The following DHRS3 variants were observed in gnomAD, a reference collection of about 807,000 sequenced individuals.
DHRS3 encodes short-chain dehydrogenase/reductase 3.
DHRS3 carries 14 observed loss-of-function variants against 27.2 expected under a neutral mutation model. That is an observed-to-expected ratio of 0.52 (90% confidence interval 0.34 to 0.81). The LOEUF is 0.81. DHRS3 is among the 30% of genes least tolerant of loss of function. DHRS3 has a pLI of 0.01. For missense variants in DHRS3, 322 were observed against 406.2 expected (o/e 0.79, Z 1.78); for synonymous variants, 165 against 175.9 (o/e 0.94, Z 0.49).
Position 12,592,251 on chromosome 1 carries a change from T to C in DHRS3, c.196-11585A>G, listed in dbSNP as rs1299613857. On this transcript the variant is annotated intron_variant, in intron 1 of 5. Coordinates refer to ENST00000616661, the MANE Select transcript of DHRS3 (RefSeq NM_004753.7). The surrounding 1 kb of genome is among the most constrained non-coding windows in gnomAD (Gnocchi z 4.2). ...CCCGGATGTGGTACAGTCGGCTGATTAGTGTCCCCTGAGAAGCTGAGTCCA... is the reference window on the plus strand; with the variant it reads ...CCCGGATGTGGTACAGTCGGCTGATCAGTGTCCCCTGAGAAGCTGAGTCCA... 1.3e-5 allele frequency among the ~76,000 whole-genome samples: 2 copies of C among 152,182 alleles called. No homozygotes were observed. Among genetic ancestry groups the C allele is most frequent in the South Asian group, 4.1e-4 (2 of 4,830 alleles).
rs72871177 is a variant in DHRS3, at chr1:12,571,352, C to T, written c.824+1376G>A. Among the ~76,000 whole-genome samples the T allele has an allele frequency of 5.0e-3, 764 of 152,238 alleles. 12 individuals are homozygous for T. Among genetic ancestry groups the T allele is most frequent in the African/African-American group, 0.017 (708 of 41,538 alleles). On this transcript the variant is annotated intron_variant, in intron 5 of 5. Transcript: ENST00000616661. ...CCTGCTACATCCCACCCGACTGGTA[C>T]TAAGACGCTTCTGTGAATTCTGAGC...
intron 1 of DHRS3, among the ~76,000 whole-genome samples, chr1:12,581,269 T>G (rs970939814): frequency 6.6e-6 from 1 of 152,240 alleles, no homozygotes; most frequent in African/African-American, 2.4e-5. Context: ...GCCAGTGCAG[T>G]TCATTTCCTG....
intron 1 of DHRS3, chr1:12,600,378 C>T (rs2100706799): frequency 1.0e-5 from 10 of 985,438 alleles, no homozygotes; most frequent in Non-Finnish European, 1.2e-5. Context: ...CTTGCCATCC[C>T]TTAAGGACCC....
chr1:12,580,875 C>T (rs1014659534), intron 1 of DHRS3, among the ~76,000 whole-genome samples: 14 of 151,950 alleles, frequency 9.2e-5, no homozygotes, highest in South Asian at 2.1e-4. Flanking sequence ...CAGGCTAGAA[C>T]GCAGCAGTGC....
In DHRS3 at chr1:12,590,293, C is replaced by A. The variant is rs1313155671; in HGVS notation, c.196-9627G>T. Among the ~76,000 whole-genome samples the A allele has an allele frequency of 2.0e-5, 3 of 152,184 alleles. No homozygotes were observed. In the East Asian group the frequency reaches 5.8e-4, roughly 29 times the overall value. Reference sequence around the variant, plus strand: ...GCCCCAGTCACCCAGAGTGGTGACACTTTAGGTTTCTAGAATAGTCATTTC... The same window carrying A: ...GCCCCAGTCACCCAGAGTGGTGACAATTTAGGTTTCTAGAATAGTCATTTC... On this transcript the variant is annotated intron_variant, in intron 1 of 5. Transcript: ENST00000616661.
Position 12,605,798 on chromosome 1 carries a change from T to A in DHRS3, c.195+11356A>T, listed in dbSNP as rs915036426. On this transcript the variant is annotated intron_variant, in intron 1 of 5. Coordinates refer to ENST00000616661, the MANE Select transcript of DHRS3 (RefSeq NM_004753.7). Reference sequence around the variant, plus strand: ...GAAGCTTGCTTAGATGGAAGAACGGTGAAATCACTGATACTTTATGAAAAG... The same window carrying A: ...GAAGCTTGCTTAGATGGAAGAACGGAGAAATCACTGATACTTTATGAAAAG... Among the ~76,000 whole-genome samples the A allele has an allele frequency of 3.3e-5, 5 of 152,036 alleles. 1 individual carries two copies. Among genetic ancestry groups the A allele is most frequent in the African/African-American group, 1.2e-4 (5 of 41,400 alleles).
In DHRS3 at chr1:12,578,657, T is replaced by C. The variant is rs1646613106; in HGVS notation, c.698+61A>G. On this transcript the variant is annotated intron_variant, in intron 4 of 5. Transcript: ENST00000616661. The surrounding 1 kb of genome is among the most constrained non-coding windows in gnomAD (Gnocchi z 4.5). ...AGAGCTCTTTCTGCAGTTGGCTGACTGAATGGCTTGGGGAGGCAGGTGAGA... is the reference window on the plus strand; with the variant it reads ...AGAGCTCTTTCTGCAGTTGGCTGACCGAATGGCTTGGGGAGGCAGGTGAGA... 2 of 1,512,360 alleles carry C rather than the reference T, an allele frequency of 1.3e-6. No homozygotes were observed. The highest frequency in any genetic ancestry group is 2.3e-5 in the South Asian group (2 of 88,090). 93.7% of individuals were successfully genotyped at this position (1,512,360 alleles called of 1,614,324 possible).
In DHRS3 at chr1:12,597,872, C is replaced by T. The variant is rs573616875; in HGVS notation, c.196-17206G>A. On this transcript the variant is annotated intron_variant, in intron 1 of 5. Coordinates refer to ENST00000616661, the MANE Select transcript of DHRS3 (RefSeq NM_004753.7). ...GCCGAGCCTCAAACCAAGTGTAGGG[C>T]GCTTCTGAGAGCAGGGCCAGTGAGA... 4.6e-5 allele frequency among the ~76,000 whole-genome samples: 7 copies of T among 152,214 alleles called. No individual in the cohort carries two copies. In the South Asian group the frequency reaches 6.2e-4, roughly 14 times the overall value.
At chr1:12,601,526 C>A (rs1646835825) in intron 1 of DHRS3, among the ~76,000 whole-genome samples, 1 of 152,070 alleles carries the variant, frequency 6.6e-6, no homozygotes, top group Non-Finnish European at 1.5e-5. Context: ...GAGACATGCC[C>A]AAAGTCAGCC....
rs572694982 is a variant in DHRS3, at chr1:12,601,009, G to T, written c.195+16145C>A. ...GGGGGTTGGGGGGCGCGGTGGTAAG[G>T]CATCAGTAAATGACCTGATAAGGTC... On this transcript the variant is annotated intron_variant, in intron 1 of 5. Transcript: ENST00000616661. Among the ~76,000 whole-genome samples the T allele has an allele frequency of 1.2e-3, 186 of 152,058 alleles. 1 individual carries two copies. In the South Asian group the frequency reaches 0.016, roughly 13 times the overall value.
At chr1:12,576,597 T>C (rs1158540459) in intron 4 of DHRS3, among the ~76,000 whole-genome samples, 1 of 150,418 alleles carries the variant, frequency 6.6e-6, no homozygotes, top group Non-Finnish European at 1.5e-5. Context: ...AGACTGCCAC[T>C]GATGCACTTC....
At chr1:12,595,458 G>A (rs1646787680) in intron 1 of DHRS3, among the ~76,000 whole-genome samples, 1 of 149,712 alleles carries the variant, frequency 6.7e-6, no homozygotes, top group Non-Finnish European at 1.5e-5. Flanking sequence ...TGCCGGGTGG[G>A]GATCGGGCTG....
chr1:12,616,903 G>T, intron 1 of DHRS3: 1 of 942,434 alleles, frequency 1.1e-6, no homozygotes. Context: ...GTTTCAGGGT[G>T]GGGGTGAATA....
intron 1 of DHRS3, among the ~76,000 whole-genome samples, chr1:12,612,922 G>C (rs982932241): frequency 6.6e-6 from 1 of 152,082 alleles, no homozygotes; most frequent in African/African-American, 2.4e-5. Flanking sequence ...GTTGGGCATG[G>C]TGGCACGCAC....
chr1:12,585,536 C>T (rs1429842471), intron 1 of DHRS3, among the ~76,000 whole-genome samples: 1 of 152,186 alleles, frequency 6.6e-6, no homozygotes, highest in Non-Finnish European at 1.5e-5. Context: ...GCTGGGCTGG[C>T]GCCTGAGTGA....
At chr1:12,604,466 A>C (rs1646856474) in intron 1 of DHRS3, among the ~76,000 whole-genome samples, 1 of 152,204 alleles carries the variant, frequency 6.6e-6, no homozygotes, top group African/African-American at 2.4e-5. Flanking sequence ...ACTGCTACTC[A>C]GTGCTCTAAA....
rs1646775841 is a variant in DHRS3 at position 12,594,972 on chromosome 1, C to T, written c.196-14306G>A. ...CTGAGAAAATGGAAGAATGAGGTTGCCGTTCCCTGAGCCCCAGCGCCTCCC... is the reference window on the plus strand; with the variant it reads ...CTGAGAAAATGGAAGAATGAGGTTGTCGTTCCCTGAGCCCCAGCGCCTCCC... On this transcript the variant is annotated intron_variant, in intron 1 of 5. Coordinates refer to ENST00000616661, the MANE Select transcript of DHRS3 (RefSeq NM_004753.7). This position sits in a 1 kb window ranked among gnomAD's most constrained non-coding sequence, Gnocchi z 4.1. Among the ~76,000 whole-genome samples the T allele has an allele frequency of 6.6e-6, 1 of 152,138 alleles. No individual in the cohort carries two copies. The highest frequency in any genetic ancestry group is 1.5e-5 in the Non-Finnish European group (1 of 68,022).
At chr1:12,601,757 G>A (rs1411843022) in intron 1 of DHRS3, among the ~76,000 whole-genome samples, 1 of 152,176 alleles carries the variant, frequency 6.6e-6, no homozygotes. Flanking sequence ...ATCCTGCTGG[G>A]TCATTTACTA....
chr1:12,605,160 G>C (rs1646861971), intron 1 of DHRS3, among the ~76,000 whole-genome samples: 1 of 151,190 alleles, frequency 6.6e-6, no homozygotes, highest in Non-Finnish European at 1.5e-5. Flanking sequence ...CAAGTCACGT[G>C]TGTTACCATC....
Sources: gnomAD v4.1 joint callset for allele counts (sites outside exome capture counted in the v4.1 genomes callset) on GRCh38, gnomAD v4.1.1 for gene constraint, Gnocchi (gnomAD v3.1) non-coding constraint, MANE v1.5 for transcripts, NCBI Gene and HGNC (gene_info 2026-07-23, HGNC 2026-07-21) for gene names.